Variants in SPATA6 observed in about 807,000 individuals in gnomAD.
The protein encoded by SPATA6 is spermatogenesis-associated protein 6.
In SPATA6, 56 loss-of-function variants were observed where a neutral mutation model predicts 65.3. That is an observed-to-expected ratio of 0.86 (90% confidence interval 0.69 to 1.07). The LOEUF is 1.07. SPATA6 is among the 50% of genes least tolerant of loss of function. The pLI, the probability that SPATA6 is intolerant of heterozygous loss-of-function variation, is 0.00. For missense variants in SPATA6, 590 were observed against 594.8 expected (o/e 0.99, Z 0.08); for synonymous variants, 199 against 213.2 (o/e 0.93, Z 0.58).
the SPATA6 span, among the ~76,000 whole-genome samples, chr1:48,273,760 G>T: frequency 6.6e-6 from 1 of 152,130 alleles, no homozygotes; most frequent in Non-Finnish European, 1.5e-5. Context: ...CATTTGAGTT[G>T]GTTCCAAGTG....
intron 9 of SPATA6, among the ~76,000 whole-genome samples, chr1:48,372,678 G>C (rs2148863817): frequency 6.6e-6 from 1 of 152,356 alleles, no homozygotes; most frequent in South Asian, 2.1e-4. Context: ...CTCCATGAGG[G>C]CTCCGCCCCT....
chr1:48,394,169 A>T (rs1454369317), intron 8 of SPATA6, among the ~76,000 whole-genome samples: 1 of 152,130 alleles, frequency 6.6e-6, no homozygotes. Flanking sequence ...ATTATGCCAA[A>T]ATCAAAATAA....
chr1:48,470,898 A>G (rs1038373648), intron 1 of SPATA6, among the ~76,000 whole-genome samples: 1 of 152,144 alleles, frequency 6.6e-6, no homozygotes, highest in East Asian at 1.9e-4. Context: ...AGACTTACTG[A>G]GTAAGAAGGA....
intron 3 of SPATA6, among the ~76,000 whole-genome samples, chr1:48,423,083 T>A (rs1043507485): frequency 7.2e-5 from 11 of 152,142 alleles, no homozygotes; most frequent in Non-Finnish European, 1.5e-4. Context: ...AAAATTAAAA[T>A]AACATATTCA....
rs752347622 is a variant in SPATA6, at chr1:48,355,771, T to G, written c.1095-2A>C. On this transcript the variant is annotated splice_acceptor_variant, in intron 10 of 12. Transcript: ENST00000371847. LOFTEE classifies it high-confidence loss of function. ...GGTGAACACCAATCAGAATGAAATC[T>G]GTAGGCAAAAAATAAGTTTTATTTT... 1.2e-6 allele frequency: 2 copies of G among 1,607,854 alleles called. No homozygotes were observed. The highest frequency in any genetic ancestry group is 1.7e-6 in the Non-Finnish European group (2 of 1,177,298).
chr1:48,329,188 C>T (rs566701252), intron 11 of SPATA6, among the ~76,000 whole-genome samples: 1 of 152,086 alleles, frequency 6.6e-6, no homozygotes, highest in Admixed American at 6.5e-5. Context: ...TAAATTACCA[C>T]AGAGCCAATG....
chr1:48,372,453 C>T (rs1261213028), intron 9 of SPATA6, among the ~76,000 whole-genome samples: 1 of 152,196 alleles, frequency 6.6e-6, no homozygotes, highest in African/African-American at 2.4e-5. Flanking sequence ...TGTTAGGCAG[C>T]TCCACCCCTG....
At chr1:48,381,287 C>G (rs1383023840) in intron 9 of SPATA6, among the ~76,000 whole-genome samples, 1 of 152,112 alleles carries the variant, frequency 6.6e-6, no homozygotes, top group Non-Finnish European at 1.5e-5. Flanking sequence ...TAGTGGCTCT[C>G]AGTTATGAAT....
At chr1:48,332,732 G>A (rs951362331) in intron 11 of SPATA6, among the ~76,000 whole-genome samples, 2 of 152,114 alleles carry the variant, frequency 1.3e-5, no homozygotes, top group African/African-American at 2.4e-5. Flanking sequence ...GGAGCTAGTA[G>A]ACAGCTACAT....
At chr1:48,428,870 C>CGT (rs35049845) in intron 3 of SPATA6, among the ~76,000 whole-genome samples, 6,086 of 136,614 alleles carry the variant, frequency 0.045, 276 homozygotes, top group African/African-American at 0.14. Context: ...TATATATACA[C>CGT]GTGTGTGTGT....
intron 12 of SPATA6, among the ~76,000 whole-genome samples, chr1:48,301,316 A>C (rs951556800): frequency 2.6e-5 from 4 of 152,080 alleles, no homozygotes; most frequent in Non-Finnish European, 5.9e-5. Context: ...AGAAAAGTGA[A>C]AGACTGCTAT....
intron 12 of SPATA6, among the ~76,000 whole-genome samples, chr1:48,303,013 T>C (rs1644977173): frequency 2.0e-5 from 3 of 152,108 alleles, no homozygotes; most frequent in South Asian, 4.1e-4. Context: ...TATTTCAATA[T>C]GACTTCCCTA....
intron 11 of SPATA6, among the ~76,000 whole-genome samples, chr1:48,349,785 G>A (rs766994476): frequency 1.6e-4 from 25 of 151,842 alleles, no homozygotes; most frequent in Non-Finnish European, 2.8e-4. Flanking sequence ...ATCATGTTGT[G>A]TGAATTAATA....
intron 12 of SPATA6, among the ~76,000 whole-genome samples, chr1:48,301,292 G>GA (rs139495233): frequency 0.049 from 6,774 of 138,484 alleles, 474 homozygotes; most frequent in African/African-American, 0.17. Context: ...AATACTAAAA[G>GA]AAAAAAAAAA....
the SPATA6 span, among the ~76,000 whole-genome samples, chr1:48,277,291 C>T: frequency 0.051 from 7,782 of 152,176 alleles, 266 homozygotes; most frequent in African/African-American, 0.089. Flanking sequence ...TCTGAGGTAC[C>T]GGGTTCATCT....
chr1:48,354,326 C>T (rs968523887), intron 11 of SPATA6, among the ~76,000 whole-genome samples: 1 of 152,076 alleles, frequency 6.6e-6, no homozygotes, highest in Non-Finnish European at 1.5e-5. Context: ...GTGCAACATT[C>T]TTTGATAGCA....
chr1:48,470,246 T>C (rs1557744043), intron 1 of SPATA6, among the ~76,000 whole-genome samples: 1 of 152,152 alleles, frequency 6.6e-6, no homozygotes, highest in Non-Finnish European at 1.5e-5. Context: ...AAAGTTTGTA[T>C]TGGCAACGTT....
intron 8 of SPATA6, among the ~76,000 whole-genome samples, chr1:48,394,881 G>A (rs1650431435): frequency 6.6e-6 from 1 of 151,618 alleles, no homozygotes; most frequent in Admixed American, 6.6e-5. Context: ...GCACTACTAG[G>A]GCTAAAGATG....
intron 1 of SPATA6, among the ~76,000 whole-genome samples, chr1:48,467,439 A>G (rs1036708034): frequency 1.1e-4 from 16 of 152,180 alleles, no homozygotes; most frequent in African/African-American, 7.2e-5. Context: ...AGGCAATAAT[A>G]CAACATGAAC....
Sources: allele counts gnomAD v4.1 joint callset (sites outside exome capture counted in the v4.1 genomes callset), GRCh38; gene constraint gnomAD v4.1.1; transcripts MANE v1.5; gene names NCBI Gene and HGNC (gene_info 2026-07-23, HGNC 2026-07-21).